The following DHX29 variants were observed in gnomAD, a reference collection of about 807,000 sequenced individuals.
DHX29 encodes ATP-dependent RNA helicase DHX29.
A neutral mutation model predicts 167.9 loss-of-function variants in DHX29; 79 were observed. That is an observed-to-expected ratio of 0.47 (90% CI 0.39 to 0.57). The LOEUF is 0.57. Ranked by LOEUF, DHX29 falls within the 20% of genes least tolerant of loss-of-function variation. The pLI, the probability that DHX29 is intolerant of heterozygous loss-of-function variation, is 0.00. For missense variants in DHX29, 1,347 were observed against 1,593.4 expected (o/e 0.85, Z 2.63); for synonymous variants, 530 against 546.0 (o/e 0.97, Z 0.41).
At chr5:55,290,881 G>T (rs900763367) in intron 6 of DHX29, among the ~76,000 whole-genome samples, 1 of 152,106 alleles carries the variant, frequency 6.6e-6, no homozygotes, top group African/African-American at 2.4e-5. Flanking sequence ...TGGGTGTGGG[G>T]GTGGATGCCT....
In DHX29 at chr5:55,269,428, G is replaced by C; in HGVS notation, c.3279C>G (p.Gly1093=). The C allele has an allele frequency of 6.2e-7, 1 of 1,612,776 alleles. No individual in the cohort carries two copies. The highest frequency in any genetic ancestry group is 8.5e-7 in the Non-Finnish European group (1 of 1,179,982). ...TTTGACTTACCACTGGGTCAAGGCA[G>C]CCAAATATGGCACCAAAAATAAGCA... ...GKMLIFGAIF[G]CLDPVATLAA... is the part of the protein sequence containing the mutation. The change falls in exon 21 of 27, where the codon GGC becomes GGG. Residue 1093 remains glycine, a synonymous_variant. Transcript: ENST00000251636.
chr5:55,267,316 G>T, intron 22 of DHX29, 85 bp from the exon 23 acceptor site: 2 of 959,096 alleles, frequency 2.1e-6, no homozygotes, highest in Non-Finnish European at 3.1e-6. Flanking sequence ...ACCAAAGTAA[G>T]ATTTAATTAA....
At chr5:55,276,491 T>C in intron 13 of DHX29, 85 bp from the exon 14 acceptor site, 2 of 1,039,954 alleles carry the variant, frequency 1.9e-6, no homozygotes, top group Non-Finnish European at 2.8e-6. Context: ...ACACCACCTT[T>C]TGAATGTCAC....
At chr5:55,272,614 T>C (rs1746907380) in intron 17 of DHX29, among the ~76,000 whole-genome samples, 2 of 152,050 alleles carry the variant, frequency 1.3e-5, no homozygotes. Flanking sequence ...GTGCCTGTAA[T>C]CCCAGCTACT....
intron 11 of DHX29, among the ~76,000 whole-genome samples, chr5:55,282,701 A>G (rs1561154014): frequency 1.3e-5 from 2 of 152,158 alleles, no homozygotes; most frequent in Admixed American, 1.3e-4. Flanking sequence ...ATATACTTGC[A>G]TGGCAAAATG....
intron 16 of DHX29, among the ~76,000 whole-genome samples, chr5:55,273,731 C>T (rs980893450): frequency 6.6e-6 from 1 of 151,962 alleles, no homozygotes; most frequent in African/African-American, 2.4e-5. Flanking sequence ...CACGATTTAG[C>T]GGGTTGGCAG....
At chr5:55,260,774 G>T (rs1746276343) in intron 25 of DHX29, among the ~76,000 whole-genome samples, 1 of 152,174 alleles carries the variant, frequency 6.6e-6, no homozygotes. Flanking sequence ...GTTTAAGCTG[G>T]TCAATCTTGA....
chr5:55,267,156 T>G lies in DHX29; in HGVS notation c.3507A>C (p.Thr1169=), dbSNP rs754203725. The stretch of plus-strand genomic sequence containing the variant: ...GAATTACCTCTAGGGTTAACAGTGA[T>G]GTTCTATTAAGAAAGTTCCTCCGGC... ...TYCRRNFLNR[T]SLLTLEDVKQ... The change falls in exon 23 of 27, where the codon ACA becomes ACC. Residue 1169 remains threonine (T), a synonymous_variant. Transcript: ENST00000251636. The G allele has an allele frequency of 1.2e-6, 2 of 1,610,572 alleles. No individual in the cohort carries two copies. The highest frequency in any genetic ancestry group is 1.7e-6 in the Non-Finnish European group (2 of 1,177,280).
At chr5:55,272,217 A>G in intron 17 of DHX29, 42 bp from the exon 18 acceptor site, 1 of 1,162,050 alleles carries the variant, frequency 8.6e-7, no homozygotes. Flanking sequence ...GACTACTTTC[A>G]TGAATGTATC....
In DHX29 at chr5:55,266,310, G is replaced by GTT. The variant is rs70992715; in HGVS notation, c.3525+826_3525+827dup. Among the ~76,000 whole-genome samples, 628 of 123,046 alleles carry GTT rather than the reference G, an allele frequency of 5.1e-3. 2 individuals are homozygous for GTT. The highest frequency in any genetic ancestry group is 0.018 in the African/African-American group (598 of 33,738). The allele number at this position is 123,046 out of a possible 152,430, so 80.7% of individuals were successfully genotyped here. A position where few individuals can be genotyped will look rare whatever the true frequency, so the allele number is the denominator to read the frequency against. Reference sequence around the variant, plus strand: ...TGCGCCCAGTCCTTGTGTTGTTTTTGTTTTTTTTTTTTTTTTGAGACGGAG... The same window carrying GTT: ...TGCGCCCAGTCCTTGTGTTGTTTTTGTTTTTTTTTTTTTTTTTTGAGACGGAG... On this transcript the variant is annotated intron_variant, in intron 23 of 26. Transcript: ENST00000251636.
chr5:55,273,165 C>CA (rs1746935895), intron 17 of DHX29, 128 bp downstream of exon 17: 1 of 912,404 alleles, frequency 1.1e-6, no homozygotes, highest in South Asian at 3.5e-5. Context: ...AGGTGCAGAA[C>CA]ACTTGGAGTT....
intron 6 of DHX29, among the ~76,000 whole-genome samples, chr5:55,291,751 A>ACT (rs1330354002): frequency 4.6e-5 from 7 of 152,242 alleles, no homozygotes; most frequent in African/African-American, 1.7e-4. Context: ...TAGGAACCTC[A>ACT]TATAAGTGAA....
intron 1 of DHX29, among the ~76,000 whole-genome samples, chr5:55,301,713 C>CAAAAAAAAAAAAAA (rs70992777): frequency 9.3e-5 from 6 of 64,738 alleles, no homozygotes; most frequent in Admixed American, 1.9e-4. Flanking sequence ...AACTCCATCT[C>CAAAAAAAAAAAAAA]AAAAAAAAAA....
intron 23 of DHX29, among the ~76,000 whole-genome samples, chr5:55,266,264 T>C (rs1561137752): frequency 1.3e-5 from 2 of 151,702 alleles, no homozygotes; most frequent in Non-Finnish European, 2.9e-5. Flanking sequence ...CCCAAAGTGC[T>C]AGATTACAGG....
Position 55,261,370 on chromosome 5 carries a change from G to GA in DHX29, c.3957dup (p.Gln1320SerfsTer18). The GA allele has an allele frequency of 6.4e-7, 1 of 1,566,792 alleles. No homozygotes were observed. The highest frequency in any genetic ancestry group is 8.7e-7 in the Non-Finnish European group (1 of 1,144,112). ...ATAAAATCAGTTGTACTATGTACCTGAAAATAGATCCAGCCATCAATAGAA... is the reference window on the plus strand; with the variant it reads ...ATAAAATCAGTTGTACTATGTACCTGAAAAATAGATCCAGCCATCAATAGAA... On this transcript the variant is annotated frameshift_variant, in exon 25 of 27. Coordinates refer to ENST00000251636, the MANE Select transcript of DHX29 (RefSeq NM_019030.4). LOFTEE classifies it high-confidence loss of function.
At chr5:55,289,741 T>A (rs1465666220) in intron 7 of DHX29, among the ~76,000 whole-genome samples, 2 of 152,206 alleles carry the variant, frequency 1.3e-5, no homozygotes, top group East Asian at 3.8e-4. Context: ...TAAATACTCA[T>A]GGAATTGTAT....
intron 1 of DHX29, among the ~76,000 whole-genome samples, chr5:55,298,899 G>A (rs59181205): frequency 0.14 from 20,416 of 150,354 alleles, 1,685 homozygotes; most frequent in East Asian, 0.24. Flanking sequence ...GCGCGGTGGC[G>A]GGCGCCTGTA....
At chr5:55,299,036 C>CA (rs35986300) in intron 1 of DHX29, among the ~76,000 whole-genome samples, 965 of 75,076 alleles carry the variant, frequency 0.013, 10 homozygotes, top group African/African-American at 0.019. Context: ...GACTCCGTCT[C>CA]AAAAAAAAAA....
At chr5:55,299,293 CA>C (rs1748484454) in intron 1 of DHX29, among the ~76,000 whole-genome samples, 1 of 152,054 alleles carries the variant, frequency 6.6e-6, no homozygotes, top group Non-Finnish European at 1.5e-5. Context: ...TTAGCTGAGG[CA>C]AAACTTCTAA....
Sources: allele counts gnomAD v4.1 joint callset (sites outside exome capture counted in the v4.1 genomes callset), GRCh38; gene constraint gnomAD v4.1.1; transcripts MANE v1.5; gene names NCBI Gene and HGNC (gene_info 2026-07-23, HGNC 2026-07-21).